The following UAP1 variants were observed in gnomAD, a reference collection of about 807,000 sequenced individuals.
UAP1 encodes UDP-N-acetylhexosamine pyrophosphorylase.
Under a neutral mutation model 58.5 loss-of-function variants are expected in UAP1, and 25 were observed. That is an observed-to-expected ratio of 0.43 (90% CI 0.31 to 0.60). UAP1 has a LOEUF of 0.60. UAP1 is among the 20% of genes least tolerant of loss of function. The pLI is 0.11. For synonymous variants in UAP1, 208 were observed against 213.0 expected, an observed-to-expected ratio of 0.98 and a Z score of 0.21; for missense variants, 575 against 630.0, an observed-to-expected ratio of 0.91 and a Z score of 0.93.
At chr1:162,577,185 C>A (rs1654242171) in intron 3 of UAP1, among the ~76,000 whole-genome samples, 1 of 152,012 alleles carries the variant, frequency 6.6e-6, no homozygotes, top group Non-Finnish European at 1.5e-5. Flanking sequence ...AATATATACT[C>A]ACCGCCAACT....
chr1:162,576,925 C>T (rs773915165), exon 3 of UAP1: 1 of 1,614,076 alleles, frequency 6.2e-7, no homozygotes, highest in East Asian at 2.2e-5. Flanking sequence ...CAGAGCGTAT[C>T]CTGAAGCTAC....
In UAP1 at chr1:162,565,997, A is replaced by T; in HGVS notation, c.-57-15A>T. ...GTTGGATTTTGACATGCCATTAATT[A>T]CTTTTCTCTTTTAGGTTTACAGGTA... On this transcript the variant is annotated splice_polypyrimidine_tract_variant and intron_variant, in intron 1 of 10. Transcript: ENST00000271469. 1 of 1,472,126 alleles carries T rather than the reference A, an allele frequency of 6.8e-7. No individual in the cohort carries two copies. Among genetic ancestry groups the T allele is most frequent in the East Asian group, 2.3e-5 (1 of 43,358 alleles). The allele number at this position is 1,472,126 out of a possible 1,614,324, so 91.2% of individuals were successfully genotyped here. A position where few individuals can be genotyped will look rare whatever the true frequency, so the allele number is the denominator to read the frequency against.
chr1:162,577,632 A>G lies in UAP1; in HGVS notation c.485+651A>G, dbSNP rs529312383. Reference sequence around the variant, plus strand: ...CCTGGCTAATTTTTTTTTCTTTTTGAGAGGGAGTCTTACTTTGTCCCCAGG... The same window carrying G: ...CCTGGCTAATTTTTTTTTCTTTTTGGGAGGGAGTCTTACTTTGTCCCCAGG... On this transcript the variant is annotated intron_variant, in intron 3 of 10. Coordinates refer to ENST00000271469, the Ensembl canonical transcript of UAP1. Among the ~76,000 whole-genome samples, 9 of 149,404 alleles carry G rather than the reference A, an allele frequency of 6.0e-5. No individual in the cohort carries two copies. The East Asian group carries it at 1.2e-3, about 20-fold the overall frequency.
intron 2 of UAP1, among the ~76,000 whole-genome samples, chr1:162,566,784 G>A (rs896648248): frequency 1.3e-5 from 2 of 151,924 alleles, no homozygotes; most frequent in African/African-American, 4.8e-5. Context: ...GCACTACCAC[G>A]CCTGGCTAAT....
At chr1:162,576,809 GTTC>G (rs1261715892) in exon 3 of UAP1, 7 of 1,614,032 alleles carry the variant, frequency 4.3e-6, no homozygotes, top group African/African-American at 1.3e-5. Context: ...TAAAGTAGCA[GTTC>G]TTCTTCTAGC....
exon 11 of UAP1, chr1:162,599,527 T>C (rs1388534600): frequency 4.4e-6 from 2 of 459,108 alleles, no homozygotes; most frequent in African/African-American, 4.0e-5. Context: ...AAGATCCAGA[T>C]GACTGAATTT....
intron 1 of UAP1, among the ~76,000 whole-genome samples, chr1:162,565,633 A>C (rs1653442090): frequency 6.6e-6 from 1 of 152,192 alleles, no homozygotes; most frequent in South Asian, 2.1e-4. Flanking sequence ...TGGTCAGAGG[A>C]CTAATACAGA....
At chr1:162,561,536 TGCTCCCGGCGCTGACGTGTCTGG>T (rs972010380) in exon 1 of UAP1, 1 of 151,594 alleles carries the variant, frequency 6.6e-6, no homozygotes, top group Non-Finnish European at 1.5e-5. Flanking sequence ...TCGTCGTCTG[TGCTCCCGGCGCTGACGTGTCTGG>T]GCGGTCGGCT....
At chr1:162,568,258 A>G (rs887193216) in intron 2 of UAP1, among the ~76,000 whole-genome samples, 1 of 152,180 alleles carries the variant, frequency 6.6e-6, no homozygotes, top group Non-Finnish European at 1.5e-5. Flanking sequence ...AACCTGCTGT[A>G]TACCTCTCTC....
chr1:162,599,208 A>G, intron 10 of UAP1, 63 bp from the exon 11 acceptor site: 1 of 1,001,360 alleles, frequency 1.0e-6, no homozygotes, highest in South Asian at 1.6e-5. Context: ...CATTATAGCA[A>G]GTCCAGCACT....
chr1:162,577,022 T>C (rs751209862), intron 3 of UAP1, 41 bp downstream of exon 3: 2 of 1,581,932 alleles, frequency 1.3e-6, no homozygotes, highest in South Asian at 1.1e-5. Context: ...TGAACATATA[T>C]TGTTTTATAA....
chr1:162,587,700 T>C (rs1654987263), intron 6 of UAP1, 32 bp downstream of exon 6: 1 of 1,586,050 alleles, frequency 6.3e-7, no homozygotes, highest in African/African-American at 1.3e-5. Flanking sequence ...TTTAAAATTA[T>C]ATTTATTGTT....
At chr1:162,587,523 G>C in exon 6 of UAP1, 1 of 1,614,062 alleles carries the variant, frequency 6.2e-7, no homozygotes, top group South Asian at 1.1e-5. Context: ...GGTTTGCCGA[G>C]TGGATGGAGT....
chr1:162,566,689 C>T (rs1485964371), intron 2 of UAP1, among the ~76,000 whole-genome samples: 2 of 151,554 alleles, frequency 1.3e-5, no homozygotes, highest in Non-Finnish European at 2.9e-5. Context: ...TGCAGTGGGG[C>T]GATCTCTGCT....
chr1:162,574,368 C>T (rs1327726611), intron 2 of UAP1, among the ~76,000 whole-genome samples: 1 of 152,192 alleles, frequency 6.6e-6, no homozygotes, highest in Non-Finnish European at 1.5e-5. Context: ...GTTGAGATTA[C>T]AGGTGTGAGC....
chr1:162,599,407 T>G (rs1325233236), exon 11 of UAP1: 1 of 1,307,452 alleles, frequency 7.6e-7, no homozygotes, highest in Non-Finnish European at 1.1e-6. Context: ...ATAGCTTTTA[T>G]TTTTGATAGA....
intron 2 of UAP1, among the ~76,000 whole-genome samples, chr1:162,575,883 A>T (rs907670009): frequency 6.6e-6 from 1 of 152,128 alleles, no homozygotes; most frequent in East Asian, 1.9e-4. Context: ...AGGTTTCGCT[A>T]TGTTGGCCAG....
intron 9 of UAP1, among the ~76,000 whole-genome samples, chr1:162,594,438 T>C (rs1433720681): frequency 6.6e-6 from 1 of 152,176 alleles, no homozygotes; most frequent in East Asian, 1.9e-4. Context: ...ACTTGCCCAC[T>C]GCTCATCTCC....
At chr1:162,587,801 G>A (rs891388250) in intron 6 of UAP1, 133 bp downstream of exon 6, 6 of 861,222 alleles carry the variant, frequency 7.0e-6, no homozygotes, top group Admixed American at 2.4e-5. Flanking sequence ...TTATCAAATG[G>A]ACATTTATCT....
Sources: gnomAD v4.1 joint callset for allele counts (sites outside exome capture counted in the v4.1 genomes callset) on GRCh38, gnomAD v4.1.1 for gene constraint, MANE v1.5 for transcripts, NCBI Gene and HGNC (gene_info 2026-07-23, HGNC 2026-07-21) for gene names.